PRKX: variants seen among roughly 807,000 people sequenced by gnomAD.
PRKX encodes the protein cAMP-dependent protein kinase catalytic subunit PRKX.
PRKX carries 12 observed loss-of-function variants against 22.0 expected under a neutral mutation model. The observed-to-expected ratio is 0.54, with a 90% confidence interval of 0.35 to 0.88. The LOEUF (loss-of-function observed/expected upper bound fraction) is 0.88. Among genes scored for constraint, PRKX ranks in the 40% least tolerant of loss-of-function variants. PRKX has a pLI of 0.01. For missense variants in PRKX, 217 were observed against 308.0 expected, an observed-to-expected ratio of 0.70 and a Z score of 2.21; for synonymous variants, 134 against 137.7, an observed-to-expected ratio of 0.97 and a Z score of 0.19.
At chrX:3,681,672 T>G (rs1468755056) in intron 1 of PRKX, among the ~76,000 whole-genome samples, 1 of 108,548 alleles carries the variant, frequency 9.2e-6, no homozygotes, top group Non-Finnish European at 1.9e-5. Context: ...TTTTAAATAA[T>G]AAATATATCT....
At chrX:3,650,646 C>T (rs761308051) in intron 3 of PRKX, among the ~76,000 whole-genome samples, 38 of 109,543 alleles carry the variant, frequency 3.5e-4, no homozygotes, top group African/African-American at 9.9e-4. Context: ...TGGAAGGTCG[C>T]GGCAGGTGGA....
At chrX:3,637,015 G>C (rs12843036) in intron 4 of PRKX, among the ~76,000 whole-genome samples, 17,148 of 92,333 alleles carry the variant, frequency 0.19, 1,374 homozygotes, top group Admixed American at 0.38. Flanking sequence ...AAGAGGGAGA[G>C]GGGAAAGGAA....
chrX:3,659,336 T>C (rs1411241199), intron 2 of PRKX, among the ~76,000 whole-genome samples: 2 of 111,694 alleles, frequency 1.8e-5, no homozygotes, highest in Non-Finnish European at 3.8e-5. Flanking sequence ...AATGTTTTTA[T>C]GTATTAGCAA....
chrX:3,674,762 A>G lies in PRKX; in HGVS notation c.171T>C (p.Thr57=), dbSNP rs375377907. The G allele has an allele frequency of 1.0e-4, 123 of 1,208,755 alleles. No individual in the cohort carries two copies. The highest frequency in any genetic ancestry group is 1.3e-4 in the Non-Finnish European group (120 of 893,918). ...QDFDTLATVG[T]GTFGRVHLVK... ...CCAGGTGCACCCGCCCGAACGTCCCAGTGCCTGGAGAGAGAAGAAATCGAC... is the reference window on the plus strand; with the variant it reads ...CCAGGTGCACCCGCCCGAACGTCCCGGTGCCTGGAGAGAGAAGAAATCGAC... The change falls in exon 2 of 9, where the codon ACT becomes ACC. Residue 57 remains threonine (T), a synonymous_variant. Coordinates refer to ENST00000262848, the MANE Select transcript of PRKX (RefSeq NM_005044.5).
chrX:3,701,765 C>T (rs893362198), intron 1 of PRKX, among the ~76,000 whole-genome samples: 1 of 111,352 alleles, frequency 9.0e-6, no homozygotes, highest in East Asian at 2.8e-4. Context: ...AGAAGCTGGC[C>T]AAATCCCACC....
intron 1 of PRKX, among the ~76,000 whole-genome samples, chrX:3,709,850 G>A (rs1928753583): frequency 9.1e-6 from 1 of 110,037 alleles, no homozygotes; most frequent in South Asian, 4.0e-4. Flanking sequence ...GTACGGTGGC[G>A]CGATTGTGGT....
intron 1 of PRKX, among the ~76,000 whole-genome samples, chrX:3,683,072 C>A (rs1283088208): frequency 1.8e-5 from 2 of 111,928 alleles, no homozygotes; most frequent in African/African-American, 6.5e-5. Flanking sequence ...CAGGAAGGAG[C>A]CTCCCCTAGA....
rs199804230 is a variant in PRKX at position 3,700,225 on chromosome X, AAAT to A, written c.166+12860_166+12862del. 7.1e-3 allele frequency among the ~76,000 whole-genome samples: 800 copies of A among 112,249 alleles called. 5 individuals are homozygous for A. Among genetic ancestry groups the A allele is most frequent in the African/African-American group, 0.025 (763 of 30,877 alleles). ...AAGCACCAGCTCAGAATCTGTATCA[AAAT>A]ACAATGTTTCAGGAAATTCCAGAAA... On this transcript the variant is annotated intron_variant, in intron 1 of 8. Coordinates refer to ENST00000262848, the MANE Select transcript of PRKX (RefSeq NM_005044.5).
chrX:3,611,224 C>T (rs1207876159), intron 8 of PRKX: 2 of 112,259 alleles, frequency 1.8e-5, no homozygotes, highest in African/African-American at 6.5e-5. Context: ...TCATTCACCA[C>T]GTCTTTCAGC....
At position 3,652,807 on chromosome X, in the gene PRKX, TGATCCAAGAGGACTGGTGTCCTCATAA is replaced by T. The variant is rs750380458; in HGVS notation, c.599+2315_599+2341del. On this transcript the variant is annotated intron_variant, in intron 3 of 8. Coordinates refer to ENST00000262848, the MANE Select transcript of PRKX (RefSeq NM_005044.5). The stretch of plus-strand genomic sequence containing the variant: ...AAAACGAGGTCACTAGGGTGGGTCC[TGATCCAAGAGGACTGGTGTCCTCATAA>T]GAAGAGGAGATGAGGATACAGACAT... Among the ~76,000 whole-genome samples the T allele has an allele frequency of 2.4e-3, 263 of 110,507 alleles. 1 individual carries two copies. Among genetic ancestry groups the T allele is most frequent in the African/African-American group, 8.2e-3 (250 of 30,385 alleles).
At chrX:3,647,330 C>A (rs1927209130) in intron 3 of PRKX, among the ~76,000 whole-genome samples, 1 of 105,293 alleles carries the variant, frequency 9.5e-6, no homozygotes, top group African/African-American at 3.4e-5. Flanking sequence ...ATTTGGTAGC[C>A]ATGTTTATAA....
intron 1 of PRKX, among the ~76,000 whole-genome samples, chrX:3,712,384 A>C (rs1003404298): frequency 1.2e-4 from 13 of 111,933 alleles, no homozygotes; most frequent in Admixed American, 7.6e-4. Flanking sequence ...CGGATGCAAG[A>C]GCACCGAGAA....
chrX:3,625,725 C>A (rs978767329), intron 5 of PRKX, among the ~76,000 whole-genome samples: 3 of 110,397 alleles, frequency 2.7e-5, no homozygotes, highest in Non-Finnish European at 3.8e-5. Flanking sequence ...GCGCCCACCA[C>A]CACACCCAGC....
chrX:3,627,513 G>A (rs191871380), intron 4 of PRKX, among the ~76,000 whole-genome samples: 257 of 108,035 alleles, frequency 2.4e-3, no homozygotes, highest in African/African-American at 8.3e-3. Context: ...CCAGGCTGGA[G>A]TGCAGCGGTG....
At chrX:3,677,745 G>A (rs1159962016) in intron 1 of PRKX, among the ~76,000 whole-genome samples, 1 of 111,665 alleles carries the variant, frequency 9.0e-6, no homozygotes, top group Non-Finnish European at 1.9e-5. Context: ...GGGAAGGGAG[G>A]AGGAGAAGTA....
chrX:3,688,501 C>G (rs769521572), intron 1 of PRKX, among the ~76,000 whole-genome samples: 1 of 101,858 alleles, frequency 9.8e-6, no homozygotes, highest in East Asian at 4.0e-4. Flanking sequence ...TCCATCTTGT[C>G]TACAGCCTGG....
chrX:3,642,843 A>C (rs1385849618), intron 3 of PRKX, among the ~76,000 whole-genome samples: 3 of 107,484 alleles, frequency 2.8e-5, no homozygotes, highest in African/African-American at 1.0e-4. Flanking sequence ...TACTAAAAAT[A>C]CAAAATTAGC....
At chrX:3,681,675 A>G (rs1421066369) in intron 1 of PRKX, among the ~76,000 whole-genome samples, 1 of 91,982 alleles carries the variant, frequency 1.1e-5, no homozygotes, top group Non-Finnish European at 2.3e-5. Context: ...TAAATAATAA[A>G]TATATCTCTC....
chrX:3,706,661 C>T (rs1253568446), intron 1 of PRKX, among the ~76,000 whole-genome samples: 5 of 111,924 alleles, frequency 4.5e-5, no homozygotes, highest in African/African-American at 1.6e-4. Context: ...CTGCTGCTTT[C>T]GAGAGTTTAA....
Sources: allele counts gnomAD v4.1 joint callset (sites outside exome capture counted in the v4.1 genomes callset), GRCh38; gene constraint gnomAD v4.1.1; transcripts MANE v1.5; gene names NCBI Gene and HGNC (gene_info 2026-07-23, HGNC 2026-07-21).